MRPS6: variants seen among roughly 807,000 people sequenced by gnomAD.
The protein encoded by MRPS6 is small ribosomal subunit protein bS6m.
A neutral mutation model predicts 13.1 loss-of-function variants in MRPS6; 6 were observed. The ratio of observed to expected loss-of-function variants is 0.46; its 90% confidence interval spans 0.25 to 0.91. The LOEUF (loss-of-function observed/expected upper bound fraction) is 0.91. MRPS6 is among the 40% of genes least tolerant of loss of function. The pLI, the probability that MRPS6 is intolerant of heterozygous loss-of-function variation, is 0.18. For missense variants in MRPS6, 164 were observed against 155.6 expected, an observed-to-expected ratio of 1.05 and a Z score of -0.29; for synonymous variants, 61 against 56.5, an observed-to-expected ratio of 1.08 and a Z score of -0.36.
chr21:34,102,248 C>G (rs187620597), intron 1 of MRPS6: 1 of 999,404 alleles, frequency 1.0e-6, no homozygotes, highest in Non-Finnish European at 1.2e-6. Flanking sequence ...GTGGTGAGTC[C>G]CACACCATTA....
intron 1 of MRPS6, chr21:34,102,137 T>C (rs1184376017): frequency 1.0e-6 from 1 of 1,000,208 alleles, no homozygotes; most frequent in Admixed American, 6.1e-5. Context: ...ATGGAATGTT[T>C]TTGTCAGACT....
intron 1 of MRPS6, among the ~76,000 whole-genome samples, chr21:34,109,005 C>G (rs1979592556): frequency 6.6e-6 from 1 of 152,146 alleles, no homozygotes; most frequent in Non-Finnish European, 1.5e-5. Flanking sequence ...TGCCTTTGCT[C>G]TTAATTTTCA....
At chr21:34,135,501 C>T in intron 2 of MRPS6, 2 of 505,286 alleles carry the variant, frequency 4.0e-6, no homozygotes, top group Non-Finnish European at 7.9e-6. Flanking sequence ...TGGAGGAGCC[C>T]TTGGTGGCAG....
chr21:34,132,294 C>T (rs1169486689), intron 2 of MRPS6, among the ~76,000 whole-genome samples: 2 of 152,222 alleles, frequency 1.3e-5, no homozygotes, highest in Non-Finnish European at 2.9e-5. Context: ...CGTTTTCTTT[C>T]TGTGGAAACT....
chr21:34,100,324 C>T (rs1979176384), intron 1 of MRPS6: 1 of 1,000,054 alleles, frequency 1.0e-6, no homozygotes, highest in Non-Finnish European at 1.2e-6. Flanking sequence ...TTTGTGGGAC[C>T]TCTAATTTCC....
At chr21:34,108,646 T>C (rs193220497) in intron 1 of MRPS6, among the ~76,000 whole-genome samples, 23 of 152,352 alleles carry the variant, frequency 1.5e-4, no homozygotes, top group East Asian at 1.3e-3. Flanking sequence ...ATGCAACTCA[T>C]TTTGTTGAAT....
chr21:34,097,758 C>G, intron 1 of MRPS6: 1 of 1,004,082 alleles, frequency 1.0e-6, no homozygotes, highest in South Asian at 4.7e-5. Flanking sequence ...TTTTCTGTCT[C>G]TGTAATCCCT....
chr21:34,126,591 GTGTC>G (rs371473334), intron 2 of MRPS6, among the ~76,000 whole-genome samples: 40 of 152,346 alleles, frequency 2.6e-4, no homozygotes, highest in African/African-American at 7.2e-4. Context: ...GAGAGCATGT[GTGTC>G]TGTCTGTCTG....
intron 1 of MRPS6, among the ~76,000 whole-genome samples, chr21:34,085,562 A>G (rs548372032): frequency 4.7e-5 from 7 of 147,932 alleles, no homozygotes; most frequent in South Asian, 2.1e-4. Flanking sequence ...TAGATATATC[A>G]TTTCACCTGT....
intron 1 of MRPS6, among the ~76,000 whole-genome samples, chr21:34,115,916 A>G (rs2148666118): frequency 6.7e-6 from 1 of 150,284 alleles, no homozygotes; most frequent in Middle Eastern, 3.5e-3. Context: ...TTGTCTACAT[A>G]GTCCTTTTTT....
intron 1 of MRPS6, among the ~76,000 whole-genome samples, chr21:34,115,872 T>C (rs1214907892): frequency 1.3e-5 from 2 of 151,446 alleles, no homozygotes; most frequent in East Asian, 3.9e-4. Flanking sequence ...GGAAGACTAA[T>C]ACCTTGCATA....
chr21:34,088,613 T>A (rs1432674553), intron 1 of MRPS6, among the ~76,000 whole-genome samples: 1 of 152,254 alleles, frequency 6.6e-6, no homozygotes, highest in Non-Finnish European at 1.5e-5. Flanking sequence ...GTCAGTAATG[T>A]CCTTTTCACT....
intron 1 of MRPS6, 86 bp downstream of exon 1, chr21:34,073,831 G>C: frequency 9.5e-7 from 1 of 1,056,334 alleles, no homozygotes; most frequent in South Asian, 1.7e-5. Flanking sequence ...CCCTGGCCGC[G>C]GGACCCCGGG....
intron 2 of MRPS6, among the ~76,000 whole-genome samples, chr21:34,128,361 C>A (rs563828153): frequency 2.1e-3 from 316 of 152,188 alleles, no homozygotes; most frequent in Non-Finnish European, 3.7e-3. Flanking sequence ...ATGCCCAGCC[C>A]CCTCCGCCCC....
intron 1 of MRPS6, among the ~76,000 whole-genome samples, chr21:34,082,660 C>T (rs1333571439): frequency 6.6e-6 from 1 of 152,110 alleles, no homozygotes; most frequent in Non-Finnish European, 1.5e-5. Flanking sequence ...GAGGTGATGA[C>T]ATTTTTATTT....
At chr21:34,097,033 A>G in intron 1 of MRPS6, 1 of 1,614,054 alleles carries the variant, frequency 6.2e-7, no homozygotes, top group South Asian at 1.1e-5. Context: ...TGCAGAGAGG[A>G]GGGCAACCCA....
intron 2 of MRPS6, chr21:34,135,351 T>G (rs1231076944): frequency 4.2e-5 from 6 of 142,276 alleles, no homozygotes; most frequent in Admixed American, 1.4e-4. Context: ...AGCCGGTTTT[T>G]TTTTTTTTTT....
intron 1 of MRPS6, among the ~76,000 whole-genome samples, chr21:34,108,929 C>G (rs1030127991): frequency 6.6e-6 from 1 of 152,162 alleles, no homozygotes; most frequent in Non-Finnish European, 1.5e-5. Flanking sequence ...ATTCTCCCTG[C>G]TCTCTCCTGC....
At chr21:34,098,994 CTTTT>C (rs1979104652) in intron 1 of MRPS6, 1 of 989,166 alleles carries the variant, frequency 1.0e-6, no homozygotes. Context: ...AAAACTCAGT[CTTTT>C]TAATTTTTTT....
Sources: allele counts gnomAD v4.1 joint callset (sites outside exome capture counted in the v4.1 genomes callset), GRCh38; gene constraint gnomAD v4.1.1; transcripts MANE v1.5; gene names NCBI Gene and HGNC (gene_info 2026-07-23, HGNC 2026-07-21).